CDH18: variants seen among roughly 807,000 people sequenced by gnomAD.
CDH18 encodes cadherin 18, also known as cadherin-18.
A neutral mutation model predicts 67.9 loss-of-function variants in CDH18; 31 were observed. The observed-to-expected ratio is 0.46, with a 90% CI of 0.34 to 0.62. CDH18 has a LOEUF of 0.62. CDH18 is among the 20% of genes least tolerant of loss of function. CDH18 has a pLI of 0.01. For missense variants in CDH18, 890 were observed against 975.5 expected, an observed-to-expected ratio of 0.91 and a Z score of 1.17; for synonymous variants, 362 against 347.2, an observed-to-expected ratio of 1.04 and a Z score of -0.48.
chr5:19,892,390 T>C (rs988096330), intron 2 of CDH18, among the ~76,000 whole-genome samples: 33 of 152,050 alleles, frequency 2.2e-4, no homozygotes, highest in African/African-American at 7.7e-4. Context: ...TGAGAAAGGG[T>C]TGGAAACAAG....
intron 5 of CDH18, among the ~76,000 whole-genome samples, chr5:19,613,720 C>A (rs376799442): frequency 3.3e-5 from 5 of 152,118 alleles, no homozygotes; most frequent in African/African-American, 1.2e-4. Flanking sequence ...AAGTTAAAAA[C>A]GCATATTCTG....
At chr5:20,073,178 G>T (rs749231376) in intron 2 of CDH18, among the ~76,000 whole-genome samples, 1 of 152,040 alleles carries the variant, frequency 6.6e-6, no homozygotes, top group Non-Finnish European at 1.5e-5. Flanking sequence ...AAACTAAGAT[G>T]AGAGTATCAT....
chr5:20,412,705 G>A (rs949771530), intron 1 of CDH18, among the ~76,000 whole-genome samples: 5 of 152,074 alleles, frequency 3.3e-5, no homozygotes, highest in Admixed American at 3.3e-4. Flanking sequence ...AAAAGAAGAC[G>A]TACACACCAA....
chr5:20,420,684 C>T lies in CDH18; in HGVS notation c.-580+154778G>A, dbSNP rs1474420384. ...TAACCATAAACTAAAACCAAAATTA[C>T]TTTAAATCTCTTTGTATATGTCATT... On this transcript the variant is annotated intron_variant, in intron 1 of 14. Coordinates refer to the CDH18 transcript ENST00000507958. Among the ~76,000 whole-genome samples, 3 of 151,186 alleles carry T rather than the reference C, an allele frequency of 2.0e-5. 1 individual carries two copies. Among genetic ancestry groups the T allele is most frequent in the African/African-American group, 7.4e-5 (3 of 40,534 alleles).
chr5:20,151,896 A>AT (rs1307342406), intron 2 of CDH18, among the ~76,000 whole-genome samples: 2 of 151,716 alleles, frequency 1.3e-5, no homozygotes, highest in Non-Finnish European at 2.9e-5. Context: ...AATTTTTTCT[A>AT]TAAGTGTTAG....
At chr5:19,704,985 C>G (rs951512827) in intron 5 of CDH18, among the ~76,000 whole-genome samples, 14 of 152,126 alleles carry the variant, frequency 9.2e-5, no homozygotes, top group African/African-American at 3.1e-4. Context: ...GGACTGTGAA[C>G]GGTTTGCATT....
chr5:19,979,215 AGTGTGTGTGT>A (rs113093535), intron 2 of CDH18, among the ~76,000 whole-genome samples: 3 of 146,942 alleles, frequency 2.0e-5, no homozygotes, highest in South Asian at 2.2e-4. Flanking sequence ...GTGGGGATGG[AGTGTGTGTGT>A]GTGTGTGTGT....
chr5:19,796,654 T>A (rs1776888589), intron 3 of CDH18, among the ~76,000 whole-genome samples: 1 of 151,818 alleles, frequency 6.6e-6, no homozygotes, highest in African/African-American at 2.4e-5. Flanking sequence ...AGCAGAAAAG[T>A]GAAAAAATGC....
rs1280662619 is a variant in CDH18, at chr5:19,638,996, T to G, written c.644-26395A>C. ...GTTGCTGTTTTTTTTTTTTTTTTTT[T>G]TTTTTTTTGTTTGTTTTTTCTTTTT... On this transcript the variant is annotated intron_variant, in intron 5 of 12. Coordinates refer to ENST00000382275, the MANE Select transcript of CDH18 (RefSeq NM_004934.5). Among the ~76,000 whole-genome samples, 120 of 109,442 alleles carry G rather than the reference T, an allele frequency of 1.1e-3. 1 individual carries two copies. Among genetic ancestry groups the G allele is most frequent in the African/African-American group, 3.6e-3 (115 of 32,022 alleles). 71.8% of individuals were successfully genotyped at this position (109,442 alleles called of 152,430 possible).
intron 3 of CDH18, among the ~76,000 whole-genome samples, chr5:19,794,575 C>G (rs1776671015): frequency 6.6e-6 from 1 of 152,034 alleles, no homozygotes; most frequent in Non-Finnish European, 1.5e-5. Context: ...CCCTCTCTCT[C>G]TTTCTCTCTC....
chr5:20,484,951 A>C (rs1364235272), intron 1 of CDH18, among the ~76,000 whole-genome samples: 1 of 152,152 alleles, frequency 6.6e-6, no homozygotes, highest in Non-Finnish European at 1.5e-5. Context: ...TGGATTGTTT[A>C]TAACACAAAG....
chr5:20,158,408 G>T (rs1196650243), intron 2 of CDH18, among the ~76,000 whole-genome samples: 1 of 151,974 alleles, frequency 6.6e-6, no homozygotes, highest in Non-Finnish European at 1.5e-5. Flanking sequence ...ATGATTTTTG[G>T]AAACCTTATA....
rs997047852 is a variant in CDH18 at position 20,558,262 on chromosome 5, C to T, written c.-580+17200G>A. 7.2e-5 allele frequency among the ~76,000 whole-genome samples: 11 copies of T among 152,124 alleles called. No homozygotes were observed. The South Asian group carries it at 2.3e-3, about 32-fold the overall frequency. On this transcript the variant is annotated intron_variant, in intron 1 of 14. Coordinates refer to the CDH18 transcript ENST00000507958. ...GACAAAGAGGTAAAAATAACAATAA[C>T]ACACAAATGCACACACTGACAAGTG...
intron 2 of CDH18, among the ~76,000 whole-genome samples, chr5:20,225,055 A>G (rs1309294851): frequency 6.6e-6 from 1 of 152,038 alleles, no homozygotes; most frequent in Admixed American, 6.6e-5. Context: ...CTCAGAAGAG[A>G]GCCTCTGTCT....
At chr5:20,282,941 T>C (rs950540257) in intron 1 of CDH18, among the ~76,000 whole-genome samples, 59 of 151,940 alleles carry the variant, frequency 3.9e-4, no homozygotes, top group African/African-American at 1.1e-3. Flanking sequence ...TGCATCAAAA[T>C]AGAGAGACCA....
intron 1 of CDH18, among the ~76,000 whole-genome samples, chr5:20,271,792 T>C (rs1299084018): frequency 6.6e-6 from 1 of 152,062 alleles, no homozygotes; most frequent in Non-Finnish European, 1.5e-5. Context: ...TTCTGTTGTG[T>C]AAGCACACAG....
chr5:19,510,654 T>C (rs1459707787), intron 10 of CDH18, among the ~76,000 whole-genome samples: 1 of 152,118 alleles, frequency 6.6e-6, no homozygotes, highest in Non-Finnish European at 1.5e-5. Context: ...GGTTAGGTTT[T>C]GTGTCCCCAC....
chr5:19,562,613 A>T (rs1739657322), intron 8 of CDH18, among the ~76,000 whole-genome samples: 1 of 151,714 alleles, frequency 6.6e-6, no homozygotes, highest in African/African-American at 2.4e-5. Flanking sequence ...TTGCAAAAAT[A>T]TTTTAAAATC....
intron 12 of CDH18, among the ~76,000 whole-genome samples, chr5:19,477,645 T>C (rs1738711220): frequency 6.6e-6 from 1 of 151,972 alleles, no homozygotes; most frequent in South Asian, 2.1e-4. Context: ...CAGATAATAA[T>C]TATACATATA....
Sources: allele counts gnomAD v4.1 joint callset (sites outside exome capture counted in the v4.1 genomes callset), GRCh38; gene constraint gnomAD v4.1.1; transcripts MANE v1.5; gene names NCBI Gene and HGNC (gene_info 2026-07-23, HGNC 2026-07-21).